Variants in PPP2R2C observed in about 807,000 individuals in gnomAD.
PPP2R2C encodes protein phosphatase 2 regulatory subunit Bgamma, also known as protein phosphatase 2, regulatory subunit B, gamma.
PPP2R2C carries 10 observed loss-of-function variants against 45.3 expected under a neutral mutation model. That is an observed-to-expected ratio of 0.22 (90% CI 0.14 to 0.37). PPP2R2C has a LOEUF of 0.37. Among genes scored for constraint, PPP2R2C ranks in the 10% least tolerant of loss-of-function variants. PPP2R2C has a pLI of 1.00. For synonymous variants in PPP2R2C, 257 were observed against 245.4 expected (o/e 1.05, Z -0.44); for missense variants, 308 against 619.7 (o/e 0.50, Z 5.34).
At chr4:6,489,671 G>T (rs575317837) in intron 2 of PPP2R2C, among the ~76,000 whole-genome samples, 2 of 152,108 alleles carry the variant, frequency 1.3e-5, no homozygotes, top group African/African-American at 4.8e-5. Flanking sequence ...TATACCTAGC[G>T]CCTGGCACAT....
chr4:6,405,634 G>T (rs75916889), intron 1 of PPP2R2C, among the ~76,000 whole-genome samples: 19,211 of 152,192 alleles, frequency 0.13, 1,335 homozygotes, highest in African/African-American at 0.14. Context: ...TGATTAGATG[G>T]AGGGAGGGGC....
chr4:6,469,742 C>G (rs1334750244), intron 1 of PPP2R2C, among the ~76,000 whole-genome samples: 1 of 152,216 alleles, frequency 6.6e-6, no homozygotes, highest in Non-Finnish European at 1.5e-5. Flanking sequence ...TTCTGACATT[C>G]AAATCTGTGA....
At chr4:6,415,015 G>T (rs893927416) in intron 1 of PPP2R2C, among the ~76,000 whole-genome samples, 2 of 152,244 alleles carry the variant, frequency 1.3e-5, no homozygotes, top group Admixed American at 6.5e-5. Context: ...GACAGGAAGG[G>T]ATGGTGTCAG....
chr4:6,413,911 CTCTT>C, intron 1 of PPP2R2C: 1 of 1,536,166 alleles, frequency 6.5e-7, no homozygotes. Context: ...ACCCGTGTCT[CTCTT>C]TCCCATCAGC....
intron 2 of PPP2R2C, among the ~76,000 whole-genome samples, chr4:6,488,024 T>C (rs935198488): frequency 1.3e-5 from 2 of 152,228 alleles, no homozygotes; most frequent in African/African-American, 2.4e-5. Flanking sequence ...TCCTATCCAG[T>C]GTGTTTTTCA....
intron 2 of PPP2R2C, among the ~76,000 whole-genome samples, chr4:6,496,517 T>C (rs1202541878): frequency 6.6e-6 from 1 of 152,118 alleles, no homozygotes; most frequent in African/African-American, 2.4e-5. Flanking sequence ...CAAGTCTAGG[T>C]GTGAGTCCAT....
chr4:6,323,145 G>A lies in PPP2R2C; in HGVS notation c.*157C>T. On this transcript the variant is annotated 3_prime_UTR_variant, in exon 9 of 9. Coordinates refer to ENST00000382599, the MANE Select transcript of PPP2R2C (RefSeq NM_020416.4). ...TCTGGCCTAGGAAAGCTGGGGCAGGGAGGGGGCCCAAACTTCCTGTGTCCA... is the reference window on the plus strand; with the variant it reads ...TCTGGCCTAGGAAAGCTGGGGCAGGAAGGGGGCCCAAACTTCCTGTGTCCA... 2.5e-6 allele frequency: 2 copies of A among 808,940 alleles called. No individual in the cohort carries two copies. Among genetic ancestry groups the A allele is most frequent in the Non-Finnish European group, 1.8e-6 (1 of 556,950 alleles). The allele number at this position is 808,940 out of a possible 1,614,324, so 50.1% of individuals were successfully genotyped here.
intron 5 of PPP2R2C, among the ~76,000 whole-genome samples, 200 bp downstream of exon 5, chr4:6,372,323 T>C (rs913014594): frequency 2.0e-5 from 3 of 152,172 alleles, no homozygotes; most frequent in Non-Finnish European, 4.4e-5. Context: ...CAACCACGAC[T>C]TTGCGGTTTT....
chr4:6,379,753 C>T (rs1248806542), intron 2 of PPP2R2C, among the ~76,000 whole-genome samples: 1 of 152,202 alleles, frequency 6.6e-6, no homozygotes, highest in Admixed American at 6.5e-5. Flanking sequence ...ACTATTTTAA[C>T]CCTCTGCACT....
intron 1 of PPP2R2C, among the ~76,000 whole-genome samples, chr4:6,425,044 G>C (rs1263340417): frequency 6.6e-6 from 1 of 152,166 alleles, no homozygotes; most frequent in Non-Finnish European, 1.5e-5. Flanking sequence ...AGCTTAGCAC[G>C]TGCCTGGCAG....
intron 2 of PPP2R2C, among the ~76,000 whole-genome samples, chr4:6,524,855 G>A (rs1377055211): frequency 6.6e-6 from 1 of 152,224 alleles, no homozygotes; most frequent in Non-Finnish European, 1.5e-5. Context: ...TTGGGAGGCT[G>A]AGGTGGGAGG....
chr4:6,390,887 C>T (rs1049093577), intron 1 of PPP2R2C, among the ~76,000 whole-genome samples: 32 of 152,112 alleles, frequency 2.1e-4, no homozygotes, highest in Admixed American at 1.6e-3. Flanking sequence ...ATTTCATCAC[C>T]ACCCCACCTT....
intron 1 of PPP2R2C, among the ~76,000 whole-genome samples, chr4:6,404,848 G>A (rs936787237): frequency 6.6e-6 from 1 of 152,196 alleles, no homozygotes; most frequent in Non-Finnish European, 1.5e-5. Flanking sequence ...GGCTGCATGC[G>A]TGCTAAGAGG....
intron 6 of PPP2R2C, among the ~76,000 whole-genome samples, chr4:6,339,991 T>C (rs1216360906): frequency 6.6e-6 from 1 of 152,076 alleles, no homozygotes; most frequent in Non-Finnish European, 1.5e-5. Flanking sequence ...GTGATGCCAC[T>C]GTTTGGGGAG....
intron 2 of PPP2R2C, among the ~76,000 whole-genome samples, chr4:6,510,994 C>CAAAAAAAAAAAAAAAAAAAAAAAA (rs200316130): frequency 6.0e-5 from 2 of 33,228 alleles, no homozygotes; most frequent in African/African-American, 5.3e-5. Flanking sequence ...AAAAAACAAA[C>CAAAAAAAAAAAAAAAAAAAAAAAA]AAACAAAAAA....
exon 2 of PPP2R2C, chr4:6,535,280 C>T: frequency 6.5e-7 from 1 of 1,535,436 alleles, no homozygotes; most frequent in South Asian, 1.2e-5. Context: ...CCGGAAACTT[C>T]CATCAGCTGA....
At chr4:6,413,952 G>A (rs1420083715) in intron 1 of PPP2R2C, 6 of 1,536,006 alleles carry the variant, frequency 3.9e-6, no homozygotes, top group Non-Finnish European at 5.2e-6. Flanking sequence ...ATCAGAATGA[G>A]GCTGCTCCCT....
intron 2 of PPP2R2C, among the ~76,000 whole-genome samples, chr4:6,514,697 A>G (rs1723778587): frequency 6.6e-6 from 1 of 152,210 alleles, no homozygotes; most frequent in Non-Finnish European, 1.5e-5. Flanking sequence ...CCTGGGGTGG[A>G]TATTCATTTC....
At chr4:6,544,165 T>G (rs1286221320) in intron 1 of PPP2R2C, among the ~76,000 whole-genome samples, 1 of 152,186 alleles carries the variant, frequency 6.6e-6, no homozygotes, top group Admixed American at 6.5e-5. Flanking sequence ...AGAAAGACAG[T>G]GGAGCCTGGT....
Sources: gnomAD v4.1 joint callset for allele counts (sites outside exome capture counted in the v4.1 genomes callset) on GRCh38, gnomAD v4.1.1 for gene constraint, MANE v1.5 for transcripts, NCBI Gene and HGNC (gene_info 2026-07-23, HGNC 2026-07-21) for gene names.